SYNPR: variants seen among roughly 807,000 people sequenced by gnomAD.
The protein encoded by SYNPR is synaptoporin.
SYNPR carries 23 observed loss-of-function variants against 32.9 expected under a neutral mutation model. The ratio of observed to expected loss-of-function variants is 0.70; its 90% CI spans 0.50 to 0.99. The LOEUF (loss-of-function observed/expected upper bound fraction) is 0.99, where lower values mean the gene tolerates loss of function less well. SYNPR is among the 50% of genes least tolerant of loss of function. The probability of loss-of-function intolerance (pLI) is 0.00; values close to 1 mark genes in which losing one functional copy is unlikely to be tolerated. For missense variants in SYNPR, 318 were observed against 349.3 expected (o/e 0.91, Z 0.71); for synonymous variants, 146 against 135.9 (o/e 1.07, Z -0.52).
intron 4 of SYNPR, among the ~76,000 whole-genome samples, chr3:63,572,920 T>TTG (rs1001611494): frequency 1.5e-4 from 23 of 151,188 alleles, no homozygotes; most frequent in South Asian, 1.5e-3. Context: ...GGGAGGAGGT[T>TTG]TGTGTGTGTG....
At chr3:63,560,202 A>G (rs1356889155) in intron 4 of SYNPR, among the ~76,000 whole-genome samples, 1 of 152,244 alleles carries the variant, frequency 6.6e-6, no homozygotes, top group Non-Finnish European at 1.5e-5. Context: ...CTTCTTTAAT[A>G]TTAAAAAACT....
intron 2 of SYNPR, among the ~76,000 whole-genome samples, chr3:63,404,507 G>T (rs377269035): frequency 6.6e-6 from 1 of 152,054 alleles, no homozygotes; most frequent in Non-Finnish European, 1.5e-5. Flanking sequence ...GGTTTCACTG[G>T]AACATTTTAA....
chr3:63,426,463 AG>A (rs1236018276), intron 2 of SYNPR, among the ~76,000 whole-genome samples: 9 of 152,202 alleles, frequency 5.9e-5, no homozygotes, highest in African/African-American at 1.7e-4. Context: ...ATGATCTAAA[AG>A]TACCTCTTCC....
intron 2 of SYNPR, among the ~76,000 whole-genome samples, chr3:63,292,221 T>A (rs115355610): frequency 0.011 from 1,632 of 152,276 alleles, 34 homozygotes; most frequent in African/African-American, 0.037. Context: ...TTTAAAAAAA[T>A]TTTTAATTGA....
rs76931769 is a variant in SYNPR, at chr3:63,361,740, T to C, written c.84+82998T>C. Among the ~76,000 whole-genome samples the C allele has an allele frequency of 7.6e-4, 115 of 152,134 alleles. 4 individuals are homozygous for C. In the East Asian group the frequency reaches 0.019, roughly 25 times the overall value. ...ATGATAGCTGTGATTGCAGTTATAG[T>C]TATTATAGGGTGCTAATTAACTTAA... On this transcript the variant is annotated intron_variant, in intron 2 of 5. Coordinates refer to ENST00000478300, the MANE Select transcript of SYNPR (RefSeq NM_001130003.2).
intron 3 of SYNPR, among the ~76,000 whole-genome samples, chr3:63,529,965 C>T (rs937121007): frequency 5.3e-5 from 8 of 152,152 alleles, no homozygotes; most frequent in African/African-American, 1.7e-4. Flanking sequence ...CTTCCCCACT[C>T]TGGCATGGTG....
chr3:63,269,746 T>C (rs956786797), intron 3 of SYNPR, among the ~76,000 whole-genome samples: 1 of 152,242 alleles, frequency 6.6e-6, no homozygotes, highest in African/African-American at 2.4e-5. Flanking sequence ...TTTCATCTTA[T>C]TCAAACTGAG....
chr3:63,342,917 T>C (rs2087387469), intron 2 of SYNPR, among the ~76,000 whole-genome samples: 1 of 152,208 alleles, frequency 6.6e-6, no homozygotes, highest in Non-Finnish European at 1.5e-5. Flanking sequence ...ATTTCTAGTA[T>C]TCCTTATTCT....
chr3:63,324,243 A>T (rs1248486499), intron 2 of SYNPR, among the ~76,000 whole-genome samples: 2 of 152,066 alleles, frequency 1.3e-5, no homozygotes, highest in Admixed American at 6.6e-5. Context: ...GGCCACCTTG[A>T]TGAAAAGATA....
chr3:63,452,102 A>C (rs1389216480), intron 2 of SYNPR: 8 of 701,902 alleles, frequency 1.1e-5, no homozygotes, highest in Non-Finnish European at 1.8e-5. Flanking sequence ...TTTTCTCTGG[A>C]TCTCTTCAAA....
In SYNPR at chr3:63,278,518, C is replaced by A. The variant is rs574180029; in HGVS notation, c.-16C>A. The stretch of plus-strand genomic sequence containing the variant: ...AAAAAGAACTGGTGGATGAGAAGAG[C>A]GAGCGAGGGCGAGCTATGGACCCTG... On this transcript the variant is annotated 5_prime_UTR_variant, in exon 1 of 6. Coordinates refer to ENST00000478300, the MANE Select transcript of SYNPR (RefSeq NM_001130003.2). 5.8e-6 allele frequency: 9 copies of A among 1,546,956 alleles called. No homozygotes were observed. Among genetic ancestry groups the A allele is most frequent in the South Asian group, 2.4e-5 (2 of 83,494 alleles).
At chr3:63,319,301 A>C (rs930232967) in intron 2 of SYNPR, among the ~76,000 whole-genome samples, 3 of 152,132 alleles carry the variant, frequency 2.0e-5, no homozygotes, top group Middle Eastern at 3.4e-3. Context: ...TTTTATGACA[A>C]TATCAGACTA....
In SYNPR at chr3:63,454,182, T is replaced by C. The variant is rs141070380; in HGVS notation, c.85-26650T>C. 8.5e-5 allele frequency among the ~76,000 whole-genome samples: 13 copies of C among 152,238 alleles called. 1 individual carries two copies. In the South Asian group the frequency reaches 2.5e-3, roughly 29 times the overall value. ...AAAATGTTAGATAGAATAAGAGCTA[T>C]AGAAAAATACAAATCAGGTAAAGGG... On this transcript the variant is annotated intron_variant, in intron 2 of 5. Transcript: ENST00000478300.
At chr3:63,380,012 T>C (rs2087945827) in intron 2 of SYNPR, among the ~76,000 whole-genome samples, 2 of 152,204 alleles carry the variant, frequency 1.3e-5, no homozygotes, top group Admixed American at 1.3e-4. Context: ...GCAAAGGACA[T>C]GAACTCATCA....
chr3:63,567,970 C>T (rs1702821363), intron 4 of SYNPR, among the ~76,000 whole-genome samples: 2 of 152,156 alleles, frequency 1.3e-5, no homozygotes, highest in African/African-American at 2.4e-5. Flanking sequence ...TTATTTGTGG[C>T]CTATTGGCCC....
At chr3:63,242,093 TA>T (rs2086253274) in intron 1 of SYNPR, among the ~76,000 whole-genome samples, 1 of 152,082 alleles carries the variant, frequency 6.6e-6, no homozygotes, top group Non-Finnish European at 1.5e-5. Context: ...GAACCCCTTC[TA>T]ATTAGAATCT....
intron 2 of SYNPR, among the ~76,000 whole-genome samples, chr3:63,347,875 TTGTGTGTGTGTGTG>T (rs10597535): frequency 0.22 from 31,327 of 144,452 alleles, 3,553 homozygotes; most frequent in South Asian, 0.37. Context: ...TAGTATTCCA[TTGTGTGTGTGTGTG>T]TGTGTGTGTG....
intron 2 of SYNPR, among the ~76,000 whole-genome samples, chr3:63,421,586 T>A (rs1259226633): frequency 6.6e-6 from 1 of 152,216 alleles, no homozygotes; most frequent in African/African-American, 2.4e-5. Context: ...GCCTTGTATA[T>A]TCATTTCCAA....
chr3:63,434,061 T>C (rs2107149267), intron 2 of SYNPR, among the ~76,000 whole-genome samples: 1 of 152,226 alleles, frequency 6.6e-6, no homozygotes, highest in Admixed American at 6.5e-5. Context: ...CTAGGCTTTT[T>C]GGAGCTCCAT....
Sources: gnomAD v4.1 joint callset for allele counts (sites outside exome capture counted in the v4.1 genomes callset) on GRCh38, gnomAD v4.1.1 for gene constraint, MANE v1.5 for transcripts, NCBI Gene and HGNC (gene_info 2026-07-23, HGNC 2026-07-21) for gene names.